The following MAPRE2 variants were observed in gnomAD, a reference collection of about 807,000 sequenced individuals.
MAPRE2 encodes microtubule associated protein RP/EB family member 2.
Under a neutral mutation model 43.2 loss-of-function variants are expected in MAPRE2, and 13 were observed. The observed-to-expected ratio is 0.30, with a 90% CI of 0.20 to 0.48. The LOEUF is 0.48. MAPRE2 is among the 20% of genes least tolerant of loss of function. The pLI is 0.99. For synonymous variants in MAPRE2, 135 were observed against 148.8 expected (o/e 0.91, Z 0.68); for missense variants, 161 against 400.2 (o/e 0.40, Z 5.10).
rs79868405 is a variant in MAPRE2, at chr18:35,095,365, C to T, written c.251-2081C>T. Reference sequence around the variant, plus strand: ...ACAGGATCACATTTTTAAGAAAATACACACACACACACACACACACACACA... The same window carrying T: ...ACAGGATCACATTTTTAAGAAAATATACACACACACACACACACACACACA... On this transcript the variant is annotated intron_variant, in intron 2 of 6. Transcript: ENST00000300249. Among the ~76,000 whole-genome samples, 492 of 114,236 alleles carry T rather than the reference C, an allele frequency of 4.3e-3. 7 individuals carry two copies. The East Asian group carries it at 0.053, about 12-fold the overall frequency. 74.9% of individuals were successfully genotyped at this position (114,236 alleles called of 152,430 possible). A position where few individuals can be genotyped will look rare whatever the true frequency, so the allele number is the denominator to read the frequency against.
intron 1 of MAPRE2, among the ~76,000 whole-genome samples, chr18:35,044,984 T>C (rs1329688929): frequency 6.6e-6 from 1 of 152,210 alleles, no homozygotes; most frequent in Non-Finnish European, 1.5e-5. Context: ...TGCACCTTGA[T>C]TAGAAAAGCA....
At chr18:35,083,785 T>G (rs991367170) in intron 2 of MAPRE2, among the ~76,000 whole-genome samples, 3 of 152,202 alleles carry the variant, frequency 2.0e-5, no homozygotes, top group African/African-American at 7.2e-5. Flanking sequence ...CTGAAACCAA[T>G]GAGATATTTT....
At position 35,071,095 on chromosome 18, in the gene MAPRE2, T is replaced by C. The variant is rs77425946; in HGVS notation, c.250+773T>C. ...TGAGGACAGGACTGCGTTTTGTTCT[T>C]TGTTGAATGCCTGTAGTTGCCTCTA... On this transcript the variant is annotated intron_variant, in intron 2 of 6. Coordinates refer to ENST00000300249, the MANE Select transcript of MAPRE2 (RefSeq NM_014268.4). 7.8e-3 allele frequency among the ~76,000 whole-genome samples: 1,183 copies of C among 152,346 alleles called. 9 individuals are homozygous for C. The highest frequency in any genetic ancestry group is 0.02 in the Middle Eastern group (6 of 294).
At chr18:35,103,936 G>A (rs1483996791) in intron 4 of MAPRE2, among the ~76,000 whole-genome samples, 1 of 152,148 alleles carries the variant, frequency 6.6e-6, no homozygotes, top group Non-Finnish European at 1.5e-5. Flanking sequence ...TGAGACAGTG[G>A]AAAGATCCAA....
At chr18:35,029,846 G>A (rs934077464) in intron 2 of MAPRE2, among the ~76,000 whole-genome samples, 5 of 152,174 alleles carry the variant, frequency 3.3e-5, no homozygotes, top group Non-Finnish European at 5.9e-5. Context: ...ACATAGACAC[G>A]TTTTAACGAG....
chr18:35,099,440 C>A (rs1251289708), intron 3 of MAPRE2, among the ~76,000 whole-genome samples: 1 of 152,072 alleles, frequency 6.6e-6, no homozygotes, highest in Non-Finnish European at 1.5e-5. Context: ...CATTGTGAGA[C>A]CCCATCTCTA....
chr18:35,098,432 A>G (rs1393481989), intron 3 of MAPRE2, among the ~76,000 whole-genome samples: 1 of 152,206 alleles, frequency 6.6e-6, no homozygotes, highest in African/African-American at 2.4e-5. Context: ...TAAAAGACAG[A>G]GATTAAAGGA....
At chr18:35,045,198 G>A (rs145368821) in intron 1 of MAPRE2, among the ~76,000 whole-genome samples, 26 of 152,312 alleles carry the variant, frequency 1.7e-4, no homozygotes, top group African/African-American at 5.8e-4. Context: ...TGGGCCATCC[G>A]AGGTGACACT....
chr18:35,034,524 A>G (rs1358240069), intron 2 of MAPRE2, among the ~76,000 whole-genome samples: 1 of 151,996 alleles, frequency 6.6e-6, no homozygotes, highest in Admixed American at 6.5e-5. Flanking sequence ...ATCTAATTAA[A>G]CTAAAGAGCT....
At chr18:35,045,626 T>C (rs977279817) in intron 1 of MAPRE2, among the ~76,000 whole-genome samples, 1 of 152,160 alleles carries the variant, frequency 6.6e-6, no homozygotes, top group Non-Finnish European at 1.5e-5. Context: ...TGTGCACGTG[T>C]GTGTATAAAA....
chr18:35,134,962 T>C (rs533035729), intron 6 of MAPRE2, among the ~76,000 whole-genome samples: 4 of 152,256 alleles, frequency 2.6e-5, no homozygotes, highest in African/African-American at 9.6e-5. Flanking sequence ...TGTAAGTATA[T>C]GCTGGGGAGT....
At chr18:35,041,728 AT>A in intron 1 of MAPRE2, 67 bp downstream of exon 1, 1 of 1,611,836 alleles carries the variant, frequency 6.2e-7, no homozygotes, top group Non-Finnish European at 8.5e-7. Flanking sequence ...CCAGCCCGTT[AT>A]ATAATGGAGC....
intron 5 of MAPRE2, among the ~76,000 whole-genome samples, chr18:35,129,792 G>A (rs76119665): frequency 0.012 from 1,769 of 152,312 alleles, 39 homozygotes; most frequent in African/African-American, 0.04. Flanking sequence ...ATGGTAAGAA[G>A]AGTGCTGCTT....
At position 35,041,436 on chromosome 18, in the gene MAPRE2, G is replaced by C. The variant is rs952224982; in HGVS notation, c.-104G>C. On this transcript the variant is annotated 5_prime_UTR_variant, in exon 1 of 7. Transcript: ENST00000300249. ...GGGAGAAGGCAGTGAGCGAGCAGGC[G>C]GCAGGCACGGTCCGTGCGGAGCAGG... 1.9e-6 allele frequency: 3 copies of C among 1,583,442 alleles called. No individual in the cohort carries two copies. Among genetic ancestry groups the C allele is most frequent in the Non-Finnish European group, 2.6e-6 (3 of 1,164,144 alleles).
At chr18:35,127,596 G>C (rs924397153) in intron 5 of MAPRE2, 1 of 152,296 alleles carries the variant, frequency 6.6e-6, no homozygotes, top group African/African-American at 2.4e-5. Flanking sequence ...GTAATATAAA[G>C]GTAGTAAAAT....
chr18:35,001,612 G>A (rs1265026929), intron 1 of MAPRE2, among the ~76,000 whole-genome samples: 2 of 151,966 alleles, frequency 1.3e-5, no homozygotes, highest in African/African-American at 2.4e-5. Flanking sequence ...GGATTAAGAA[G>A]GTACACGAGG....
chr18:34,994,592 G>C (rs902151079), intron 1 of MAPRE2, among the ~76,000 whole-genome samples: 6 of 151,942 alleles, frequency 3.9e-5, no homozygotes, highest in African/African-American at 1.5e-4. Context: ...CCTGAAGATA[G>C]GTATTCCCTC....
intron 6 of MAPRE2, among the ~76,000 whole-genome samples, chr18:35,134,097 G>T (rs751212489): frequency 6.6e-6 from 1 of 152,210 alleles, no homozygotes; most frequent in Non-Finnish European, 1.5e-5. Context: ...AGGTAGAAGG[G>T]TCTAGGACTT....
intron 2 of MAPRE2, among the ~76,000 whole-genome samples, chr18:35,095,522 G>A (rs1434227630): frequency 1.8e-5 from 2 of 112,040 alleles, no homozygotes; most frequent in Non-Finnish European, 3.3e-5. Context: ...TATGGAAGAG[G>A]GTTTTTTTTT....
Sources: allele counts gnomAD v4.1 joint callset (sites outside exome capture counted in the v4.1 genomes callset), GRCh38; gene constraint gnomAD v4.1.1; transcripts MANE v1.5; gene names NCBI Gene and HGNC (gene_info 2026-07-23, HGNC 2026-07-21).